SLC24A2: variants seen among roughly 807,000 people sequenced by gnomAD.
The protein encoded by SLC24A2 is solute carrier family 24 member 2, also known as sodium/potassium/calcium exchanger 2.
Under a neutral mutation model 62.0 loss-of-function variants are expected in SLC24A2, and 36 were observed. The ratio of observed to expected loss-of-function variants is 0.58; its 90% CI spans 0.44 to 0.77. The LOEUF is 0.77. Ranked by LOEUF, SLC24A2 falls within the 30% of genes least tolerant of loss-of-function variation. The probability of loss-of-function intolerance (pLI) is 0.00; values close to 1 mark genes in which losing one functional copy is unlikely to be tolerated. For synonymous variants in SLC24A2, 358 were observed against 294.0 expected (o/e 1.22, Z -2.23); for missense variants, 846 against 817.9 (o/e 1.03, Z -0.42).
intron 2 of SLC24A2, among the ~76,000 whole-genome samples, chr9:19,652,461 G>C (rs1398985076): frequency 1.3e-5 from 2 of 152,132 alleles, no homozygotes; most frequent in African/African-American, 4.8e-5. Flanking sequence ...AATGGAGTTA[G>C]AGAAAAAGGA....
the SLC24A2 span, among the ~76,000 whole-genome samples, chr9:20,240,716 C>G: frequency 6.6e-6 from 1 of 151,938 alleles, no homozygotes; most frequent in Admixed American, 6.6e-5. Context: ...GTTTTGAGGC[C>G]CTAAGGCTAG....
At chr9:20,068,749 G>C in the SLC24A2 span, among the ~76,000 whole-genome samples, 26 of 152,264 alleles carry the variant, frequency 1.7e-4, no homozygotes, top group African/African-American at 5.8e-4. Context: ...GCCCAAATTA[G>C]GGCTGAAAGG....
chr9:19,984,994 G>A, the SLC24A2 span, among the ~76,000 whole-genome samples: 14 of 143,686 alleles, frequency 9.7e-5, 1 homozygote, highest in East Asian at 2.0e-3. Flanking sequence ...TCAACATGGT[G>A]AAATCCCGTC....
chr9:19,890,731 G>A, the SLC24A2 span, among the ~76,000 whole-genome samples: 1 of 152,024 alleles, frequency 6.6e-6, no homozygotes. Context: ...GGTTGGTCTT[G>A]AATTCCTGGA....
chr9:19,557,280 A>C (rs1835141514), intron 7 of SLC24A2, among the ~76,000 whole-genome samples: 2 of 152,232 alleles, frequency 1.3e-5, no homozygotes, highest in South Asian at 4.1e-4. Context: ...AGGTATAGCA[A>C]ACATGAAGTG....
the SLC24A2 span, among the ~76,000 whole-genome samples, chr9:20,091,862 T>A: frequency 6.6e-6 from 1 of 152,168 alleles, no homozygotes; most frequent in African/African-American, 2.4e-5. Flanking sequence ...CAATGGCAGA[T>A]TGGATAAAGA....
chr9:20,185,521 T>C, the SLC24A2 span, among the ~76,000 whole-genome samples: 1 of 151,522 alleles, frequency 6.6e-6, no homozygotes, highest in Non-Finnish European at 1.5e-5. Flanking sequence ...AAAAATTAGC[T>C]GGGCGTGGTT....
the SLC24A2 span, among the ~76,000 whole-genome samples, chr9:19,829,755 TTATA>T: frequency 3.1e-4 from 39 of 127,554 alleles, no homozygotes; most frequent in Non-Finnish European, 5.6e-4. Flanking sequence ...ACTTAAAGTT[TTATA>T]TATATATGTG....
At chr9:19,978,307 T>G in the SLC24A2 span, among the ~76,000 whole-genome samples, 1 of 152,118 alleles carries the variant, frequency 6.6e-6, no homozygotes. Flanking sequence ...CTTTTATCAG[T>G]TCCTCAAGAA....
the SLC24A2 span, among the ~76,000 whole-genome samples, chr9:20,054,674 C>A: frequency 2.0e-5 from 3 of 152,014 alleles, no homozygotes; most frequent in African/African-American, 7.3e-5. Flanking sequence ...TTAGAAGAGG[C>A]CTTGAGAGAG....
At chr9:19,935,747 T>G in the SLC24A2 span, among the ~76,000 whole-genome samples, 4 of 152,312 alleles carry the variant, frequency 2.6e-5, no homozygotes, top group African/African-American at 9.6e-5. Context: ...CTGATGTGTG[T>G]CCTAGTGTGA....
intron 2 of SLC24A2, among the ~76,000 whole-genome samples, chr9:19,682,489 G>C (rs974621798): frequency 6.6e-6 from 1 of 152,122 alleles, no homozygotes; most frequent in East Asian, 1.9e-4. Flanking sequence ...AAATAGTAAA[G>C]GGGAAAAACT....
At chr9:19,611,240 A>G (rs1411023158) in intron 4 of SLC24A2, among the ~76,000 whole-genome samples, 1 of 151,848 alleles carries the variant, frequency 6.6e-6, no homozygotes, top group Non-Finnish European at 1.5e-5. Flanking sequence ...GCTGCTAGGC[A>G]GTCAGAGAAG....
At chr9:19,764,807 A>G (rs991522437) in intron 2 of SLC24A2, among the ~76,000 whole-genome samples, 3 of 152,184 alleles carry the variant, frequency 2.0e-5, no homozygotes, top group Non-Finnish European at 4.4e-5. Flanking sequence ...GTAGATGTCT[A>G]TTAGGTCCTC....
chr9:19,865,441 T>G, the SLC24A2 span, among the ~76,000 whole-genome samples: 2 of 152,106 alleles, frequency 1.3e-5, no homozygotes, highest in East Asian at 3.9e-4. Flanking sequence ...ATCCCAGTAC[T>G]TGACTTCAAA....
At chr9:20,036,891 C>T in the SLC24A2 span, among the ~76,000 whole-genome samples, 2 of 143,826 alleles carry the variant, frequency 1.4e-5, no homozygotes, top group African/African-American at 2.6e-5. Context: ...TGTGTGTGTG[C>T]GTATATATAT....
At chr9:20,103,673 G>C in the SLC24A2 span, among the ~76,000 whole-genome samples, 6 of 152,108 alleles carry the variant, frequency 3.9e-5, no homozygotes, top group African/African-American at 1.4e-4. Context: ...AAACAGAAAG[G>C]ACATCCACAC....
chr9:19,700,050 C>G (rs1820310264), intron 2 of SLC24A2, among the ~76,000 whole-genome samples: 1 of 152,146 alleles, frequency 6.6e-6, no homozygotes, highest in Non-Finnish European at 1.5e-5. Context: ...CAATTGACGT[C>G]TGCCTCACAG....
At chr9:20,013,152 A>G in the SLC24A2 span, among the ~76,000 whole-genome samples, 1 of 152,174 alleles carries the variant, frequency 6.6e-6, no homozygotes, top group African/African-American at 2.4e-5. Context: ...GATTTCAAAC[A>G]TATTATAATG....
Sources: allele counts gnomAD v4.1 joint callset (sites outside exome capture counted in the v4.1 genomes callset), GRCh38; gene constraint gnomAD v4.1.1; transcripts MANE v1.5; gene names NCBI Gene and HGNC (gene_info 2026-07-23, HGNC 2026-07-21).